MEP1A: variants seen among roughly 807,000 people sequenced by gnomAD.
MEP1A encodes meprin A subunit alpha.
MEP1A carries 68 observed loss-of-function variants against 84.5 expected under a neutral mutation model. That is an observed-to-expected ratio of 0.80 (90% CI 0.66 to 0.98). The LOEUF (loss-of-function observed/expected upper bound fraction) is 0.98, where lower values mean the gene tolerates loss of function less well. Among genes scored for constraint, MEP1A ranks in the 50% least tolerant of loss-of-function variants. MEP1A has a pLI of 0.00. For synonymous variants in MEP1A, 337 were observed against 336.8 expected (o/e 1.00, Z -0.01); for missense variants, 887 against 919.9 (o/e 0.96, Z 0.46).
chr6:46,820,007 C>T (rs938321293), intron 7 of MEP1A, among the ~76,000 whole-genome samples: 1 of 152,166 alleles, frequency 6.6e-6, no homozygotes, highest in Non-Finnish European at 1.5e-5. Context: ...TCCTGTCTTA[C>T]TGAGGAAAGT....
chr6:46,794,680 C>A (rs1468651056), intron 3 of MEP1A, among the ~76,000 whole-genome samples: 1 of 152,130 alleles, frequency 6.6e-6, no homozygotes, highest in East Asian at 1.9e-4. Flanking sequence ...ATAGGCAGAG[C>A]AGAAATAGTT....
At chr6:46,821,034 G>C (rs185886908) in intron 7 of MEP1A, among the ~76,000 whole-genome samples, 1 of 152,146 alleles carries the variant, frequency 6.6e-6, no homozygotes, top group African/African-American at 2.4e-5. Flanking sequence ...ACTTTTGGGG[G>C]CTTGGAAGAA....
At position 46,826,646 on chromosome 6, in the gene MEP1A, TTCATTATTAAC is replaced by T. The variant is rs1398905969; in HGVS notation, c.928+147_928+157del. ...AAGGACAAAAAACATTTCTTATATCTTCATTATTAACTCAGTAAAAAGCATCCAGTCTCTGG... is the reference window on the plus strand; with the variant it reads ...AAGGACAAAAAACATTTCTTATATCTTCAGTAAAAAGCATCCAGTCTCTGG... On this transcript the variant is annotated intron_variant, in intron 9 of 13. Transcript: ENST00000230588. 4.5e-6 allele frequency: 3 copies of T among 668,978 alleles called. No individual in the cohort carries two copies. The East Asian group carries it at 9.4e-5, about 21-fold the overall frequency. 41.4% of individuals were successfully genotyped at this position (668,978 alleles called of 1,614,324 possible). A position where few individuals can be genotyped will look rare whatever the true frequency, so the allele number is the denominator to read the frequency against.
rs200982626 is a variant in MEP1A, at chr6:46,793,467, G to A, written c.69G>A (p.Pro23=). 2.2e-5 allele frequency: 35 copies of A among 1,610,498 alleles called. No homozygotes were observed. The highest frequency in any genetic ancestry group is 2.7e-5 in the African/African-American group (2 of 74,804). Residue 23 remains proline, a splice_region_variant and synonymous_variant, in exon 1 of 14, where the codon CCG becomes CCA. Coordinates refer to ENST00000230588, the MANE Select transcript of MEP1A (RefSeq NM_005588.3). ...TLLFAHIAAV[P]IKYLPEENVH... ...TTTTTGCCCACATAGCAGCTGTACC[G>A]GTAAGTCGAGTCCTGCTTTTTGGAT...
At chr6:46,816,742 C>T (rs901348429) in intron 6 of MEP1A, among the ~76,000 whole-genome samples, 1 of 152,094 alleles carries the variant, frequency 6.6e-6, no homozygotes, top group Non-Finnish European at 1.5e-5. Flanking sequence ...TGAAGGGGCA[C>T]AGTGGGAATA....
intron 6 of MEP1A, among the ~76,000 whole-genome samples, chr6:46,818,442 T>A (rs1033469628): frequency 1.3e-5 from 2 of 152,174 alleles, no homozygotes; most frequent in Non-Finnish European, 2.9e-5. Flanking sequence ...CTGCTCAGCA[T>A]TGGGTAAAAT....
intron 5 of MEP1A, among the ~76,000 whole-genome samples, chr6:46,804,931 T>C (rs1581666651): frequency 6.6e-6 from 1 of 151,914 alleles, no homozygotes; most frequent in Non-Finnish European, 1.5e-5. Context: ...AATGGAATCA[T>C]ATGTTATATA....
Position 46,825,440 on chromosome 6 carries a change from G to A in MEP1A, c.725G>A (p.Arg242His), listed in dbSNP as rs566847239. Residue 242 changes from arginine to histidine, a missense_variant, in exon 8 of 14, where the codon CGC (arginine) becomes CAC (histidine). Arg to His is a conservative substitution (Grantham distance 29). Coordinates refer to ENST00000230588, the MANE Select transcript of MEP1A (RefSeq NM_005588.3). ...IPEFNSIIGQ[R>H]LDFSAIDLER... ...GAGTTTAACTCCATTATCGGACAGC[G>A]CCTGGATTTCAGTGCCATTGATTTA... 5.1e-5 allele frequency: 82 copies of A among 1,613,726 alleles called. No homozygotes were observed. Among genetic ancestry groups the A allele is most frequent in the African/African-American group, 1.5e-4 (11 of 74,998 alleles).
rs1352084363 is a variant in MEP1A at position 46,799,129 on chromosome 6, C to A, written c.210C>A (p.Asp70Glu). 2.5e-6 allele frequency: 4 copies of A among 1,613,190 alleles called. No homozygotes were observed. The South Asian group carries it at 4.4e-5, about 18-fold the overall frequency. ...LLQKSRNGLR[D>E]PNTRWTFPIP... ...AGAAATCCAGAAATGGCCTGAGAGACCCAAACACCAGGTGGACGTTCCCCA... is the reference window on the plus strand; with the variant it reads ...AGAAATCCAGAAATGGCCTGAGAGAACCAAACACCAGGTGGACGTTCCCCA... Residue 70 changes from aspartate (D) to glutamate (E), a missense_variant, in exon 5 of 14, where the codon GAC (aspartate) becomes GAA (glutamate). Physicochemically the swap from Asp to Glu is conservative, Grantham distance 45. Coordinates refer to ENST00000230588, the MANE Select transcript of MEP1A (RefSeq NM_005588.3).
At chr6:46,829,313 T>G (rs545259697) in intron 9 of MEP1A, 43 bp from the exon 10 acceptor site, 1 of 1,537,534 alleles carries the variant, frequency 6.5e-7, no homozygotes. Flanking sequence ...AACCCTGGGG[T>G]GTGGGAAGCC....
chr6:46,810,135 A>G (rs544862595), intron 6 of MEP1A, among the ~76,000 whole-genome samples: 45 of 151,920 alleles, frequency 3.0e-4, no homozygotes, highest in African/African-American at 1.1e-3. Context: ...TATAATTTTT[A>G]AAAATTTTTT....
chr6:46,811,879 A>T lies in MEP1A; in HGVS notation c.380+2342A>T, dbSNP rs570194202. On this transcript the variant is annotated intron_variant, in intron 6 of 13. Transcript: ENST00000230588. ...GCTGTTGGATTCAGTTCATCAGTAC[A>T]TTATTGAGGATTTTTGCCTGTGTGT... 2.0e-5 allele frequency among the ~76,000 whole-genome samples: 3 copies of T among 151,932 alleles called. No individual in the cohort carries two copies. The East Asian group carries it at 5.8e-4, about 29-fold the overall frequency.
intron 12 of MEP1A, 144 bp downstream of exon 12, chr6:46,834,895 C>A: frequency 1.6e-6 from 1 of 632,566 alleles, no homozygotes; most frequent in Non-Finnish European, 2.7e-6. Context: ...TTCAATTGGT[C>A]AAGGACTCAC....
At chr6:46,808,853 C>G (rs942643715) in intron 5 of MEP1A, among the ~76,000 whole-genome samples, 1 of 152,050 alleles carries the variant, frequency 6.6e-6, no homozygotes, top group Admixed American at 6.6e-5. Flanking sequence ...GGCTGGGAAG[C>G]AGGGTAAAAT....
chr6:46,804,758 C>T (rs886456575), intron 5 of MEP1A, among the ~76,000 whole-genome samples: 1 of 151,776 alleles, frequency 6.6e-6, no homozygotes, highest in Non-Finnish European at 1.5e-5. Context: ...GTATGTACCT[C>T]TGAAACCTAA....
chr6:46,825,037 ATTTAAATATT>A lies in MEP1A; in HGVS notation c.557-233_557-224del, dbSNP rs1562114000. ...ATAAATTATATATTTAAATAGATCT[ATTTAAATATT>A]TATAAATTATGTATTTAAATAAATC... On this transcript the variant is annotated intron_variant, in intron 7 of 13. Coordinates refer to ENST00000230588, the MANE Select transcript of MEP1A (RefSeq NM_005588.3). Among the ~76,000 whole-genome samples, 13 of 86,140 alleles carry A rather than the reference ATTTAAATATT, an allele frequency of 1.5e-4. 1 individual carries two copies. The highest frequency in any genetic ancestry group is 2.5e-4 in the Admixed American group (2 of 7,896). 56.5% of individuals were successfully genotyped at this position (86,140 alleles called of 152,430 possible). A position where few individuals can be genotyped will look rare whatever the true frequency, so the allele number is the denominator to read the frequency against.
chr6:46,809,076 C>G (rs1004304222), intron 5 of MEP1A, among the ~76,000 whole-genome samples: 1 of 152,058 alleles, frequency 6.6e-6, no homozygotes, highest in Non-Finnish European at 1.5e-5. Flanking sequence ...TGAGGCAATG[C>G]ACTCTAAATC....
chr6:46,837,895 ATTTT>A (rs111794847), intron 13 of MEP1A, among the ~76,000 whole-genome samples: 1 of 143,620 alleles, frequency 7.0e-6, no homozygotes, highest in African/African-American at 2.5e-5. Context: ...CTGACTTCTT[ATTTT>A]TTTTTTTTTT....
chr6:46,818,546 AG>A (rs1767693846), intron 6 of MEP1A, among the ~76,000 whole-genome samples: 1 of 152,224 alleles, frequency 6.6e-6, no homozygotes, highest in Non-Finnish European at 1.5e-5. Flanking sequence ...GTTTATGAGA[AG>A]AGAAAAAATA....
Sources: gnomAD v4.1 joint callset for allele counts (sites outside exome capture counted in the v4.1 genomes callset) on GRCh38, gnomAD v4.1.1 for gene constraint, MANE v1.5 for transcripts, NCBI Gene and HGNC (gene_info 2026-07-23, HGNC 2026-07-21) for gene names.